Variants in PMS1 observed in about 807,000 individuals in gnomAD.
The protein encoded by PMS1 is PMS1 homolog 1, mismatch repair system component.
PMS1 carries 79 observed loss-of-function variants against 93.1 expected under a neutral mutation model. The observed-to-expected ratio is 0.85, with a 90% CI of 0.71 to 1.02. PMS1 has a LOEUF of 1.02. Among genes scored for constraint, PMS1 ranks in the 50% least tolerant of loss-of-function variants. The probability of loss-of-function intolerance (pLI) is 0.00; values close to 1 mark genes in which losing one functional copy is unlikely to be tolerated. For missense variants in PMS1, 1,064 were observed against 1,085.3 expected (o/e 0.98, Z 0.28); for synonymous variants, 335 against 363.4 (o/e 0.92, Z 0.89).
Position 189,854,071 on chromosome 2 carries a change from T to A in PMS1, c.955T>A (p.Leu319Ile), listed in dbSNP as rs767995024. ...NLTPDKSQVL[L>I]QNKESVLIAL... ...AACACCAGATAAAAGCCAAGTATTA[T>A]TACAAAATAAGGTAACTCTTTTCAG... The change falls in exon 8 of 13, where the codon TTA becomes ATA. Residue 319 changes from leucine (L) to isoleucine (I), a missense_variant. Physicochemically the swap from Leu to Ile is conservative, Grantham distance 5. Coordinates refer to ENST00000441310, the MANE Select transcript of PMS1 (RefSeq NM_000534.5). 6.3e-7 allele frequency: 1 copy of A among 1,592,268 alleles called. No homozygotes were observed. The highest frequency in any genetic ancestry group is 8.6e-7 in the Non-Finnish European group (1 of 1,166,124).
At chr2:189,848,865 A>G (rs1297406940) in intron 6 of PMS1, among the ~76,000 whole-genome samples, 1 of 152,176 alleles carries the variant, frequency 6.6e-6, no homozygotes, top group Non-Finnish European at 1.5e-5. Flanking sequence ...GTCCTGTATC[A>G]CAGTTTCTTT....
At chr2:189,822,031 C>G (rs1490475323) in intron 5 of PMS1, among the ~76,000 whole-genome samples, 1 of 152,306 alleles carries the variant, frequency 6.6e-6, no homozygotes, top group East Asian at 1.9e-4. Context: ...GCCACTCGCT[C>G]TCCGGGCGGG....
chr2:189,869,818 A>AG (rs2056985086), intron 11 of PMS1, among the ~76,000 whole-genome samples: 1 of 125,436 alleles, frequency 8.0e-6, no homozygotes, highest in Non-Finnish European at 1.7e-5. Flanking sequence ...CTCCATCTTA[A>AG]AAAAAAAAAA....
chr2:189,876,791 T>TA (rs2057608410), intron 12 of PMS1, among the ~76,000 whole-genome samples: 1 of 148,508 alleles, frequency 6.7e-6, no homozygotes, highest in South Asian at 2.2e-4. Context: ...TTTTTTTTTT[T>TA]TGTGGAGACT....
chr2:189,873,586 A>T lies in PMS1; in HGVS notation c.2564A>T (p.Asn855Ile), dbSNP rs56309301. Residue 855 changes from asparagine (N) to isoleucine (I), a missense_variant, in exon 12 of 13, where the codon AAT becomes ATT. Physicochemically the swap from Asn to Ile is moderately radical, Grantham distance 149. Coordinates refer to ENST00000441310, the MANE Select transcript of PMS1 (RefSeq NM_000534.5). Reference protein sequence around the residue: ...YGVADLKEILNAILNRNAKEV... With the variant: ...YGVADLKEILIAILNRNAKEV... Reference sequence around the variant, plus strand: ...GTAGCAGATTTAAAAGAAATTCTTAATGCTATATTAAACAGAAATGCAAAG... The same window carrying T: ...GTAGCAGATTTAAAAGAAATTCTTATTGCTATATTAAACAGAAATGCAAAG... 6.2e-7 allele frequency: 1 copy of T among 1,601,958 alleles called. No homozygotes were observed. Among genetic ancestry groups the T allele is most frequent in the South Asian group, 1.1e-5 (1 of 90,812 alleles).
intron 6 of PMS1, among the ~76,000 whole-genome samples, chr2:189,851,953 A>G (rs755286457): frequency 5.3e-5 from 8 of 152,166 alleles, no homozygotes; most frequent in Non-Finnish European, 1.0e-4. Flanking sequence ...TCTGCTTCCT[A>G]TCCCTTCAAT....
At chr2:189,812,225 C>T (rs899326893) in intron 4 of PMS1, among the ~76,000 whole-genome samples, 3 of 152,100 alleles carry the variant, frequency 2.0e-5, no homozygotes, top group Non-Finnish European at 2.9e-5. Context: ...TGCTTGAACC[C>T]AGGAGGCGGA....
intron 5 of PMS1, among the ~76,000 whole-genome samples, chr2:189,825,853 G>GTTT (rs2052384290): frequency 6.6e-6 from 1 of 152,134 alleles, no homozygotes; most frequent in African/African-American, 2.4e-5. Context: ...TGTTTTTGTT[G>GTTT]TTGTTGTTGT....
rs1171085574 is a variant in PMS1, at chr2:189,805,825, G to A, written c.418+71G>A. 3 of 1,568,508 alleles carry A rather than the reference G, an allele frequency of 1.9e-6. No individual in the cohort carries two copies. In the Admixed American group the frequency reaches 5.4e-5, roughly 28 times the overall value. On this transcript the variant is annotated intron_variant, in intron 4 of 12. Coordinates refer to ENST00000441310, the MANE Select transcript of PMS1 (RefSeq NM_000534.5). ...TTAATTGTTGGTTTAAAAAAAAAAA[G>A]TTACTCGGTGAATACAAATATATTG...
At chr2:189,832,566 A>G (rs2053045579) in intron 5 of PMS1, among the ~76,000 whole-genome samples, 1 of 152,012 alleles carries the variant, frequency 6.6e-6, no homozygotes, top group African/African-American at 2.4e-5. Context: ...CCTGGGTTCA[A>G]GCGATTCTCC....
At chr2:189,838,623 G>A (rs74645111) in intron 5 of PMS1, among the ~76,000 whole-genome samples, 6,514 of 152,124 alleles carry the variant, frequency 0.043, 165 homozygotes, top group South Asian at 0.067. Flanking sequence ...AGCCCATTTC[G>A]TACCCTTTAG....
intron 5 of PMS1, among the ~76,000 whole-genome samples, chr2:189,835,953 G>A (rs1361621221): frequency 6.7e-6 from 1 of 148,988 alleles, no homozygotes; most frequent in Admixed American, 6.7e-5. Flanking sequence ...TTCTTGTTTG[G>A]TGGAAAAAAA....
Position 189,877,387 on chromosome 2 carries a change from A to G in PMS1, c.2750A>G (p.His917Arg). Residue 917 changes from histidine to arginine, a missense_variant, in exon 13 of 13, where the codon CAT becomes CGT. Coordinates refer to ENST00000441310, the MANE Select transcript of PMS1 (RefSeq NM_000534.5). ...GGAAATGAAATTAAAGAGTGTGTTC[A>G]TGGTCGCCCATTTTTTCATCATTTA... is the stretch of plus-strand genomic sequence containing the variant. ...QFGNEIKECV[H>R]GRPFFHHLTY... is the part of the protein sequence containing the mutation. 6.2e-7 allele frequency: 1 copy of G among 1,613,442 alleles called. No homozygotes were observed. The highest frequency in any genetic ancestry group is 8.5e-7 in the Non-Finnish European group (1 of 1,179,392).
At chr2:189,822,600 C>T (rs568123312) in intron 5 of PMS1, among the ~76,000 whole-genome samples, 5 of 152,230 alleles carry the variant, frequency 3.3e-5, no homozygotes, top group African/African-American at 1.2e-4. Flanking sequence ...TACAGCAACT[C>T]TGATAATAGA....
At chr2:189,836,565 A>G (rs934199495) in intron 5 of PMS1, among the ~76,000 whole-genome samples, 4 of 152,250 alleles carry the variant, frequency 2.6e-5, no homozygotes, top group Non-Finnish European at 4.4e-5. Flanking sequence ...CTGGATTCCC[A>G]GTATTCCCAG....
In PMS1 at chr2:189,806,021, T is replaced by C. The variant is rs1171725853; in HGVS notation, c.418+267T>C. On this transcript the variant is annotated intron_variant, in intron 4 of 12. Coordinates refer to ENST00000441310, the MANE Select transcript of PMS1 (RefSeq NM_000534.5). Reference sequence around the variant, plus strand: ...CTGTAAAAACTAAGAGTATTTATTTTACCAGTGCTGGATTACCAGTGTCAT... The same window carrying C: ...CTGTAAAAACTAAGAGTATTTATTTCACCAGTGCTGGATTACCAGTGTCAT... 3.7e-6 allele frequency: 4 copies of C among 1,091,836 alleles called. No individual in the cohort carries two copies. The Admixed American group carries it at 1.3e-4, about 36-fold the overall frequency. 67.6% of individuals were successfully genotyped at this position (1,091,836 alleles called of 1,614,324 possible). A position where few individuals can be genotyped will look rare whatever the true frequency, so the allele number is the denominator to read the frequency against.
At position 189,852,638 on chromosome 2, in the gene PMS1, C is replaced by T; in HGVS notation, c.700-17C>T. 1 of 1,600,946 alleles carries T rather than the reference C, an allele frequency of 6.2e-7. No homozygotes were observed. The highest frequency in any genetic ancestry group is 8.6e-7 in the Non-Finnish European group (1 of 1,168,420). ...AACTACATTGTTGACATTGCATATT[C>T]TGTAATTATTATATAGATTTATCTC... On this transcript the variant is annotated splice_polypyrimidine_tract_variant and intron_variant, in intron 6 of 12. Transcript: ENST00000441310.
At chr2:189,826,835 A>G (rs544443045) in intron 5 of PMS1, among the ~76,000 whole-genome samples, 1 of 152,316 alleles carries the variant, frequency 6.6e-6, no homozygotes, top group South Asian at 2.1e-4. Flanking sequence ...AGGATGGAAT[A>G]TTAAATTAAT....
intron 5 of PMS1, among the ~76,000 whole-genome samples, chr2:189,822,045 G>A (rs973074725): frequency 3.9e-5 from 6 of 152,120 alleles, no homozygotes; most frequent in Non-Finnish European, 7.4e-5. Flanking sequence ...GGGCGGGGCG[G>A]GTGGCGCCTC....
Sources: allele counts gnomAD v4.1 joint callset (sites outside exome capture counted in the v4.1 genomes callset), GRCh38; gene constraint gnomAD v4.1.1; transcripts MANE v1.5; gene names NCBI Gene and HGNC (gene_info 2026-07-23, HGNC 2026-07-21).